GPATCH8: variants seen among roughly 807,000 people sequenced by gnomAD.
GPATCH8 encodes G-patch domain containing 8, also known as G patch domain-containing protein 8.
A neutral mutation model predicts 118.3 loss-of-function variants in GPATCH8; 18 were observed. The ratio of observed to expected loss-of-function variants is 0.15; its 90% CI spans 0.11 to 0.23. The LOEUF (loss-of-function observed/expected upper bound fraction) is 0.23. GPATCH8 is among the 10% of genes least tolerant of loss of function. The probability of loss-of-function intolerance (pLI) is 1.00; values close to 1 mark genes in which losing one functional copy is unlikely to be tolerated. For synonymous variants in GPATCH8, 659 were observed against 684.7 expected (o/e 0.96, Z 0.59); for missense variants, 1,631 against 1,873.8 (o/e 0.87, Z 2.39).
intron 3 of GPATCH8, among the ~76,000 whole-genome samples, chr17:44,455,539 T>C (rs2051298105): frequency 6.6e-6 from 1 of 151,670 alleles, no homozygotes; most frequent in African/African-American, 2.4e-5. Context: ...TAAATGAGCA[T>C]ATTAATATCT....
chr17:44,454,675 G>C (rs1347612663), intron 3 of GPATCH8, among the ~76,000 whole-genome samples: 1 of 151,980 alleles, frequency 6.6e-6, no homozygotes, highest in African/African-American at 2.4e-5. Context: ...CTCCTGCTTT[G>C]GTCTCCCACA....
At chr17:44,465,759 C>T (rs2051737313) in intron 2 of GPATCH8, 1 of 152,164 alleles carries the variant, frequency 6.6e-6, no homozygotes, top group African/African-American at 2.4e-5. Context: ...CCACAAATTT[C>T]TGCATTAAAA....
chr17:44,503,390 T>G lies in GPATCH8; in HGVS notation c.-20A>C. ...CGCCATTTTGCCGCCTTCACTCCTC[T>G]CAGGACGACGCTCTCCGGTTCGCTC... On this transcript the variant is annotated 5_prime_UTR_variant, in exon 1 of 8. Coordinates refer to ENST00000591680, the MANE Select transcript of GPATCH8 (RefSeq NM_001002909.4). The G allele has an allele frequency of 6.3e-7, 1 of 1,597,936 alleles. No individual in the cohort carries two copies. Among genetic ancestry groups the G allele is most frequent in the Admixed American group, 1.7e-5 (1 of 58,696 alleles).
At chr17:44,440,367 T>G (rs1290072560) in intron 3 of GPATCH8, among the ~76,000 whole-genome samples, 1 of 152,202 alleles carries the variant, frequency 6.6e-6, no homozygotes, top group Admixed American at 6.5e-5. Context: ...GGAAAACAAC[T>G]GATACTCATA....
intron 3 of GPATCH8, among the ~76,000 whole-genome samples, chr17:44,447,907 A>T (rs1216895494): frequency 6.6e-6 from 1 of 152,208 alleles, no homozygotes; most frequent in Non-Finnish European, 1.5e-5. Context: ...AAATAAAGAA[A>T]TTAGTCTTCC....
rs1381632029 is a variant in GPATCH8 at position 44,395,771 on chromosome 17, C to G, written c.*1797G>C. On this transcript the variant is annotated 3_prime_UTR_variant, in exon 8 of 8. Transcript: ENST00000591680. ...CTTGGCCCAGGTAAGTATGGTTTTT[C>G]TTGTCAAGTGACCAACCAACCAATT... The G allele has an allele frequency of 1.1e-5, 5 of 453,992 alleles. No homozygotes were observed. In the Admixed American group the frequency reaches 1.2e-4, roughly 11 times the overall value. The allele number at this position is 453,992 out of a possible 1,614,324, so 28.1% of individuals were successfully genotyped here.
At chr17:44,437,829 C>T (rs1039510590) in intron 3 of GPATCH8, among the ~76,000 whole-genome samples, 1 of 151,032 alleles carries the variant, frequency 6.6e-6, no homozygotes, top group Non-Finnish European at 1.5e-5. Context: ...ATAAGTTTAA[C>T]TACTTATGTA....
chr17:44,403,685 ATC>A (rs1012825740), intron 7 of GPATCH8, among the ~76,000 whole-genome samples: 1 of 139,714 alleles, frequency 7.2e-6, no homozygotes, highest in Admixed American at 7.8e-5. Context: ...ACAATATGTA[ATC>A]TCTCTTTTTT....
chr17:44,420,518 C>T (rs1427556614), intron 6 of GPATCH8, among the ~76,000 whole-genome samples: 1 of 152,204 alleles, frequency 6.6e-6, no homozygotes, highest in Non-Finnish European at 1.5e-5. Context: ...AGTAGTATCA[C>T]ACCCTTAGTT....
chr17:44,458,344 T>C (rs2051416560), intron 3 of GPATCH8, among the ~76,000 whole-genome samples: 1 of 152,166 alleles, frequency 6.6e-6, no homozygotes, highest in African/African-American at 2.4e-5. Flanking sequence ...TTTTCACTAG[T>C]TGATATTCTC....
intron 7 of GPATCH8, among the ~76,000 whole-genome samples, chr17:44,405,046 C>A (rs2049166487): frequency 6.6e-6 from 1 of 152,096 alleles, no homozygotes. Context: ...AAAGAGGATA[C>A]CGAATGTTCC....
chr17:44,403,990 G>A (rs569055831), intron 7 of GPATCH8, among the ~76,000 whole-genome samples: 54 of 151,662 alleles, frequency 3.6e-4, no homozygotes, highest in African/African-American at 1.3e-3. Context: ...CACCGTGCCC[G>A]GCCAATGTGT....
intron 6 of GPATCH8, among the ~76,000 whole-genome samples, chr17:44,414,133 A>ATATATATG (rs1567955685): frequency 3.3e-5 from 1 of 30,454 alleles, no homozygotes; most frequent in African/African-American, 9.1e-5. Context: ...ATATGTGTAT[A>ATATATATG]TATATATATG....
intron 2 of GPATCH8, chr17:44,474,586 G>A: frequency 1.7e-6 from 1 of 590,280 alleles, no homozygotes. Context: ...ATCGGTATGG[G>A]CCAAAAAGAT....
At chr17:44,485,657 C>A (rs1173451583) in intron 1 of GPATCH8, among the ~76,000 whole-genome samples, 1 of 152,188 alleles carries the variant, frequency 6.6e-6, no homozygotes, top group Admixed American at 6.5e-5. Flanking sequence ...TGTCCCCACA[C>A]TCTTCCTATG....
intron 2 of GPATCH8, among the ~76,000 whole-genome samples, chr17:44,469,283 T>C (rs1315805204): frequency 6.6e-6 from 1 of 152,220 alleles, no homozygotes; most frequent in African/African-American, 2.4e-5. Context: ...ATTAACTGTT[T>C]CAGCCATTCC....
intron 4 of GPATCH8, among the ~76,000 whole-genome samples, chr17:44,435,411 C>CTTT (rs566253126): frequency 0.47 from 46,346 of 99,432 alleles, 12,732 homozygotes; most frequent in Non-Finnish European, 0.57. Flanking sequence ...TCTTTCTTTC[C>CTTT]TTTTTTTTTT....
At position 44,397,952 on chromosome 17, in the gene GPATCH8, A is replaced by G; in HGVS notation, c.4125T>C (p.Val1375=). The G allele has an allele frequency of 6.2e-7, 1 of 1,613,868 alleles. No individual in the cohort carries two copies. Residue 1375 remains valine, a synonymous_variant, in exon 8 of 8, where the codon GTT becomes GTC. Coordinates refer to ENST00000591680, the MANE Select transcript of GPATCH8 (RefSeq NM_001002909.4). Reference sequence around the variant, plus strand: ...CATGATGTTGTAGGATGGCATGCTGAACAGTTGTGATGGAGGTGGCAGAGG... The same window carrying G: ...CATGATGTTGTAGGATGGCATGCTGGACAGTTGTGATGGAGGTGGCAGAGG... ...ATASATSITT[V]QHAILQHHAA...
intron 1 of GPATCH8, among the ~76,000 whole-genome samples, chr17:44,499,897 A>AT (rs71275956): frequency 0.056 from 8,398 of 150,330 alleles, 323 homozygotes; most frequent in Middle Eastern, 0.1. Flanking sequence ...ATTTCCAAAG[A>AT]TTAAAAAAAA....
Sources: allele counts gnomAD v4.1 joint callset (sites outside exome capture counted in the v4.1 genomes callset), GRCh38; gene constraint gnomAD v4.1.1; transcripts MANE v1.5; gene names NCBI Gene and HGNC (gene_info 2026-07-23, HGNC 2026-07-21).